The following RSPH10B2 variants were observed in gnomAD, a reference collection of about 807,000 sequenced individuals.
RSPH10B2 encodes the protein radial spoke head 10 homolog B2 (Chlamydomonas).
A neutral mutation model predicts 49.0 loss-of-function variants in RSPH10B2; 9 were observed. That is an observed-to-expected ratio of 0.18 (90% CI 0.11 to 0.32). The LOEUF is 0.32. Ranked by LOEUF, RSPH10B2 falls within the 10% of genes least tolerant of loss-of-function variation. RSPH10B2 has a pLI of 1.00. For synonymous variants in RSPH10B2, 35 were observed against 210.2 expected (o/e 0.17, Z 7.21); for missense variants, 95 against 589.9 (o/e 0.16, Z 8.69).
intron 13 of RSPH10B2, among the ~76,000 whole-genome samples, chr7:6,783,348 A>G (rs1394052093): frequency 5.0e-5 from 6 of 118,956 alleles, no homozygotes; most frequent in African/African-American, 6.9e-5. Flanking sequence ...GGTACTTTTA[A>G]TTTGTACTTG....
intron 13 of RSPH10B2, among the ~76,000 whole-genome samples, chr7:6,781,762 A>G (rs1781942097): frequency 8.9e-6 from 1 of 112,294 alleles, no homozygotes; most frequent in Non-Finnish European, 1.8e-5. Context: ...ATATATTGCA[A>G]TCCCAGCACT....
chr7:6,786,807 CCAGT>C lies in RSPH10B2; in HGVS notation c.1867-68_1867-65del, dbSNP rs1424017416. 6.1e-5 allele frequency: 35 copies of C among 577,886 alleles called. 3 individuals are homozygous for C. The highest frequency in any genetic ancestry group is 9.9e-5 in the Non-Finnish European group (33 of 333,148). 35.8% of individuals were successfully genotyped at this position (577,886 alleles called of 1,614,324 possible). On this transcript the variant is annotated intron_variant, in intron 14 of 18. Transcript: ENST00000297186. Reference sequence around the variant, plus strand: ...TTCAGATGTCAGGAAATAATGAACACCAGTCAATCAATGCTCTGTCTCCAGGTGT... The same window carrying C: ...TTCAGATGTCAGGAAATAATGAACACCAATCAATGCTCTGTCTCCAGGTGT...
Position 6,766,915 on chromosome 7 carries a change from G to A in RSPH10B2, c.780+38G>A, listed in dbSNP as rs537030795. 8.1e-5 allele frequency: 76 copies of A among 932,878 alleles called. 3 individuals are homozygous for A. The African/African-American group carries it at 1.1e-3, about 13-fold the overall frequency. 57.8% of individuals were successfully genotyped at this position (932,878 alleles called of 1,614,324 possible). A position where few individuals can be genotyped will look rare whatever the true frequency, so the allele number is the denominator to read the frequency against. ...GGGGTAGCAGCTTATACCCAGAGGC[G>A]GATGCTCCGCCGATTCTCAACACAT... On this transcript the variant is annotated intron_variant, in intron 6 of 18. Transcript: ENST00000297186.
At chr7:6,756,065 G>C (rs1485290643), upstream of RSPH10B2, among the ~76,000 whole-genome samples, 1 of 150,682 alleles carries the variant, frequency 6.6e-6, no homozygotes, top group Non-Finnish European at 1.5e-5. Context: ...TCAGGAGATC[G>C]AGACCATCCT....
At chr7:6,783,014 A>G (rs1205521713) in intron 13 of RSPH10B2, among the ~76,000 whole-genome samples, 3 of 129,404 alleles carry the variant, frequency 2.3e-5, no homozygotes, top group Admixed American at 8.1e-5. Flanking sequence ...CATACTAACT[A>G]TTGGTTGTTT....
rs1202585321 is a variant in RSPH10B2, at chr7:6,784,708, G to A, written c.1759-1241G>A. Among the ~76,000 whole-genome samples, 2 of 131,354 alleles carry A rather than the reference G, an allele frequency of 1.5e-5. 1 individual carries two copies. The highest frequency in any genetic ancestry group is 3.1e-5 in the Non-Finnish European group (2 of 64,064). The allele number at this position is 131,354 out of a possible 152,430, so 86.2% of individuals were successfully genotyped here. ...AGCCTCCCGAGTAGCTGGGACTACA[G>A]GCACATGCCACCATGCCCAGCTAAT... On this transcript the variant is annotated intron_variant, in intron 13 of 18. Coordinates refer to ENST00000297186, the Ensembl canonical transcript of RSPH10B2.
chr7:6,769,754 CTTTTTTT>C (rs911131827), intron 7 of RSPH10B2, among the ~76,000 whole-genome samples: 34 of 76,672 alleles, frequency 4.4e-4, no homozygotes, highest in African/African-American at 1.9e-3. Context: ...ACGCCCGGCT[CTTTTTTT>C]TTTTTTTTTT....
exon 1 of RSPH10B2, chr7:6,757,616 AC>A: frequency 1.3e-6 from 1 of 782,256 alleles, no homozygotes; most frequent in Admixed American, 3.5e-5. Context: ...GTGCTTTGAA[AC>A]AAGCAGCTCT....
At chr7:6,784,861 C>T (rs1246853273) in intron 13 of RSPH10B2, among the ~76,000 whole-genome samples, 2 of 74,872 alleles carry the variant, frequency 2.7e-5, no homozygotes, top group Non-Finnish European at 2.3e-5. Flanking sequence ...CCACCGCGCC[C>T]GGCCCCACAT....
chr7:6,768,243 C>T (rs1457761529), intron 6 of RSPH10B2, among the ~76,000 whole-genome samples: 4 of 152,304 alleles, frequency 2.6e-5, no homozygotes, highest in African/African-American at 9.6e-5. Flanking sequence ...TGAAAATCTT[C>T]ACGATCAAGC....
intron 13 of RSPH10B2, among the ~76,000 whole-genome samples, chr7:6,783,281 C>T (rs1256710966): frequency 1.7e-5 from 2 of 115,690 alleles, no homozygotes; most frequent in Admixed American, 9.2e-5. Flanking sequence ...CCGCCCGTGT[C>T]GGACTCCCAA....
chr7:6,793,057 CT>C (rs1237490236), intron 17 of RSPH10B2, among the ~76,000 whole-genome samples: 1 of 104,820 alleles, frequency 9.5e-6, no homozygotes, highest in Non-Finnish European at 1.8e-5. Flanking sequence ...CCACCCGCCC[CT>C]GGGCATTTTT....
Position 6,781,311 on chromosome 7 carries a change from G to A in RSPH10B2, c.1610-17G>A. 1 of 1,278,392 alleles carries A rather than the reference G, an allele frequency of 7.8e-7. No individual in the cohort carries two copies. Among genetic ancestry groups the A allele is most frequent in the Non-Finnish European group, 1.0e-6 (1 of 973,392 alleles). 79.2% of individuals were successfully genotyped at this position (1,278,392 alleles called of 1,614,324 possible). A position where few individuals can be genotyped will look rare whatever the true frequency, so the allele number is the denominator to read the frequency against. Reference sequence around the variant, plus strand: ...AAACATAAATCTGTAATCATTTTTCGAACGTTGTATTTTTAGGCAATTTAT... The same window carrying A: ...AAACATAAATCTGTAATCATTTTTCAAACGTTGTATTTTTAGGCAATTTAT... On this transcript the variant is annotated splice_polypyrimidine_tract_variant and intron_variant, in intron 12 of 18. Transcript: ENST00000297186.
chr7:6,772,025 G>GT (rs1781663241), intron 8 of RSPH10B2, among the ~76,000 whole-genome samples: 1 of 134,314 alleles, frequency 7.4e-6, no homozygotes. Flanking sequence ...AAATAAAATG[G>GT]AAAAAAAAAA....
In RSPH10B2 at chr7:6,797,024, T is replaced by C. The variant is rs3109222; in HGVS notation, c.2432+258T>C. ...GTCTTAGTTTCTAGTTTTATTTTTT[T>C]TTTTTAGACAGGGTCTCACTGTCAC... On this transcript the variant is annotated intron_variant, in intron 18 of 18. Coordinates refer to ENST00000297186, the Ensembl canonical transcript of RSPH10B2. 9 of 320,696 alleles carry C rather than the reference T, an allele frequency of 2.8e-5. 2 individuals carry two copies. The highest frequency in any genetic ancestry group is 5.4e-5 in the Admixed American group (1 of 18,586). The allele number at this position is 320,696 out of a possible 1,614,324, so 19.9% of individuals were successfully genotyped here.
At position 6,791,998 on chromosome 7, in the gene RSPH10B2, G is replaced by C. The variant is rs201513226; in HGVS notation, c.2233+1G>C. On this transcript the variant is annotated splice_donor_variant, in intron 17 of 18. Transcript: ENST00000297186. LOFTEE classifies it high-confidence loss of function. ...ATCACCTTTTTCTCATCTGAGAGCA[G>C]TGAGTATTTTAATTGTAGAACCTTA... is the stretch of plus-strand genomic sequence containing the variant. 0.041 allele frequency: 17,224 copies of C among 420,918 alleles called. 35 individuals are homozygous for C. The highest frequency in any genetic ancestry group is 0.058 in the South Asian group (1,930 of 33,032). 26.1% of individuals were successfully genotyped at this position (420,918 alleles called of 1,614,324 possible).
At chr7:6,783,894 C>T (rs1352940411) in intron 13 of RSPH10B2, among the ~76,000 whole-genome samples, 7 of 140,128 alleles carry the variant, frequency 5.0e-5, no homozygotes, top group East Asian at 2.1e-4. Flanking sequence ...TGGAGTGCAG[C>T]GACCTGATCT....
chr7:6,793,387 C>T lies in RSPH10B2; in HGVS notation c.2233+1390C>T, dbSNP rs1401423058. Among the ~76,000 whole-genome samples, 2 of 116,302 alleles carry T rather than the reference C, an allele frequency of 1.7e-5. 1 individual carries two copies. The highest frequency in any genetic ancestry group is 7.1e-4 in the East Asian group (2 of 2,832). The allele number at this position is 116,302 out of a possible 152,430, so 76.3% of individuals were successfully genotyped here. A position where few individuals can be genotyped will look rare whatever the true frequency, so the allele number is the denominator to read the frequency against. On this transcript the variant is annotated intron_variant, in intron 17 of 18. Coordinates refer to ENST00000297186, the Ensembl canonical transcript of RSPH10B2. ...TCTGACGGCGTCTCTCTATGGCCGG[C>T]CACCCACTCAATGGTGGACTTTTAA...
intron 4 of RSPH10B2, among the ~76,000 whole-genome samples, chr7:6,764,333 A>T (rs1214839527): frequency 2.0e-5 from 3 of 149,658 alleles, no homozygotes; most frequent in Admixed American, 2.0e-4. Context: ...ATTGAGGCGA[A>T]ATTCACATCA....
Sources: allele counts gnomAD v4.1 joint callset (sites outside exome capture counted in the v4.1 genomes callset), GRCh38; gene constraint gnomAD v4.1.1; transcripts MANE v1.5; gene names NCBI Gene and HGNC (gene_info 2026-07-23, HGNC 2026-07-21).